Variants in GPR37L1 observed in about 807,000 individuals in gnomAD.
The protein encoded by GPR37L1 is G protein-coupled receptor 37 like 1.
A neutral mutation model predicts 18.0 loss-of-function variants in GPR37L1; 18 were observed. That is an observed-to-expected ratio of 1.00 (90% CI 0.69 to 1.49). The LOEUF (loss-of-function observed/expected upper bound fraction) is 1.49, where lower values mean the gene tolerates loss of function less well. GPR37L1 is among the 40% of genes most tolerant of loss of function. GPR37L1 has a pLI of 0.00. For synonymous variants in GPR37L1, 256 were observed against 273.9 expected (o/e 0.93, Z 0.65); for missense variants, 558 against 615.1 (o/e 0.91, Z 0.98).
intron 1 of GPR37L1, 106 bp from the exon 2 acceptor site, chr1:202,127,635 C>T (rs1654705985): frequency 1.3e-6 from 1 of 791,018 alleles, no homozygotes; most frequent in Non-Finnish European, 2.1e-6. Context: ...AATTTCTATG[C>T]TTATCACTCA....
chr1:202,126,220 C>T (rs1185089474), intron 1 of GPR37L1, among the ~76,000 whole-genome samples: 1 of 152,064 alleles, frequency 6.6e-6, no homozygotes, highest in Non-Finnish European at 1.5e-5. Context: ...CCATCCTGGC[C>T]AACATGGTGA....
chr1:202,123,242 G>C lies in GPR37L1; in HGVS notation c.279G>C (p.Gly93=). Reference sequence around the variant, plus strand: ...CCAGCCCTAACCCCGGCAAGGATGGGGGCACCCCAGACAGTGGGCAGGAAC... The same window carrying C: ...CCAGCCCTAACCCCGGCAAGGATGGCGGCACCCCAGACAGTGGGCAGGAAC... ...VATSPNPGKD[G]GTPDSGQELR... The change falls in exon 1 of 2, where the codon GGG becomes GGC. Residue 93 remains glycine, a synonymous_variant. Transcript: ENST00000367282. The C allele has an allele frequency of 1.2e-6, 2 of 1,613,952 alleles. No homozygotes were observed. The highest frequency in any genetic ancestry group is 8.5e-7 in the Non-Finnish European group (1 of 1,179,974).
At position 202,127,762 on chromosome 1, in the gene GPR37L1, A is replaced by T; in HGVS notation, c.652A>T (p.Thr218Ser). ...ACAGGTCTCCTCTCTGGGAGTCACG[A>T]CTTTCAGCCTCTGTGCCCTGGGCAT... ...FMEVSSLGVT[T>S]FSLCALGIDR... The change falls in exon 2 of 2, where the codon ACT becomes TCT. Residue 218 changes from threonine (T) to serine (S), a missense_variant. Coordinates refer to ENST00000367282, the MANE Select transcript of GPR37L1 (RefSeq NM_004767.5). 1 of 1,581,034 alleles carries T rather than the reference A, an allele frequency of 6.3e-7. No homozygotes were observed. The highest frequency in any genetic ancestry group is 8.6e-7 in the Non-Finnish European group (1 of 1,161,574).
rs1027848415 is a variant in GPR37L1, at chr1:202,131,289, A to G, written c.*2733A>G. ...TGCTCCACTTGGGAGTCACCTTCTC[A>G]TCACCTATCCTGGAACTGAATGCAA... On this transcript the variant is annotated 3_prime_UTR_variant, in exon 2 of 2. Coordinates refer to ENST00000367282, the MANE Select transcript of GPR37L1 (RefSeq NM_004767.5). 4 of 152,256 alleles carry G rather than the reference A, an allele frequency of 2.6e-5. No homozygotes were observed. The highest frequency in any genetic ancestry group is 5.9e-5 in the Non-Finnish European group (4 of 68,062). The allele number at this position is 152,256 out of a possible 1,614,324, so 9.4% of individuals were successfully genotyped here. A position where few individuals can be genotyped will look rare whatever the true frequency, so the allele number is the denominator to read the frequency against.
At position 202,128,788 on chromosome 1, in the gene GPR37L1, C is replaced by A. The variant is rs1169718260; in HGVS notation, c.*232C>A. On this transcript the variant is annotated 3_prime_UTR_variant, in exon 2 of 2. Transcript: ENST00000367282. The stretch of plus-strand genomic sequence containing the variant: ...CTGGTGGGCGGTGATGCTTCTAGGT[C>A]CTTAGAACTGCCCAGAAACTCTGAG... The A allele has an allele frequency of 4.4e-6, 2 of 459,316 alleles. No individual in the cohort carries two copies. Among genetic ancestry groups the A allele is most frequent in the Non-Finnish European group, 7.7e-6 (2 of 260,158 alleles). 28.5% of individuals were successfully genotyped at this position (459,316 alleles called of 1,614,324 possible).
chr1:202,125,080 G>A (rs1038839863), intron 1 of GPR37L1, among the ~76,000 whole-genome samples: 5 of 145,624 alleles, frequency 3.4e-5, no homozygotes, highest in East Asian at 2.1e-4. Flanking sequence ...CAGGAGAATC[G>A]CTTGAACTTG....
At chr1:202,125,363 AT>A (rs1654632375) in intron 1 of GPR37L1, among the ~76,000 whole-genome samples, 1 of 152,116 alleles carries the variant, frequency 6.6e-6, no homozygotes, top group African/African-American at 2.4e-5. Context: ...CAATTTCCTC[AT>A]TGGTAAATTG....
In GPR37L1 at chr1:202,123,261, C is replaced by A; in HGVS notation, c.298C>A (p.Gln100Lys). The change falls in exon 1 of 2, where the codon CAG (glutamine) becomes AAG (lysine). Residue 100 changes from glutamine (Q) to lysine (K), a missense_variant. Coordinates refer to ENST00000367282, the MANE Select transcript of GPR37L1 (RefSeq NM_004767.5). ...GGATGGGGGCACCCCAGACAGTGGG[C>A]AGGAACTGAGGGGCAATCTGACAGG... is the stretch of plus-strand genomic sequence containing the variant. ...GKDGGTPDSGQELRGNLTGAP... is the reference protein window; with the variant it reads ...GKDGGTPDSGKELRGNLTGAP... 1 of 1,613,952 alleles carries A rather than the reference C, an allele frequency of 6.2e-7. No homozygotes were observed. Among genetic ancestry groups the A allele is most frequent in the Non-Finnish European group, 8.5e-7 (1 of 1,179,936 alleles).
Position 202,123,461 on chromosome 1 carries a change from C to A in GPR37L1, c.498C>A (p.Asn166Lys). Residue 166 changes from asparagine to lysine, a missense_variant, in exon 1 of 2, where the codon AAC becomes AAA. Asn to Lys is a moderately conservative substitution (Grantham distance 94). Coordinates refer to ENST00000367282, the MANE Select transcript of GPR37L1 (RefSeq NM_004767.5). ...GCTACTACCTGAAGAGTGCCTGGAA[C>A]TCCATCCTTGCCAGCCTGGCCCTCT... The part of the protein sequence containing the change: ...WHSYYLKSAW[N>K]SILASLALWD... The A allele has an allele frequency of 6.2e-7, 1 of 1,614,104 alleles. No homozygotes were observed. Among genetic ancestry groups the A allele is most frequent in the Non-Finnish European group, 8.5e-7 (1 of 1,180,014 alleles).
intron 1 of GPR37L1, among the ~76,000 whole-genome samples, chr1:202,124,770 G>A (rs1383400466): frequency 6.6e-6 from 1 of 152,196 alleles, no homozygotes; most frequent in East Asian, 1.9e-4. Context: ...TGATGTCATA[G>A]TTGGACAGAC....
chr1:202,128,360 T>C lies in GPR37L1; in HGVS notation c.1250T>C (p.Leu417Pro). The change falls in exon 2 of 2, where the codon CTT becomes CCT. Residue 417 changes from leucine to proline, a missense_variant. By Grantham distance (98) the Leu-to-Pro change is moderately conservative. Coordinates refer to ENST00000367282, the MANE Select transcript of GPR37L1 (RefSeq NM_004767.5). ...FKGAITPVLL[L>P]CICRPLGQAF... The stretch of plus-strand genomic sequence containing the variant: ...GGCGCCATCACCCCAGTGCTGCTCC[T>C]TTGCATCTGCAGGCCGCTGGGCCAG... The C allele has an allele frequency of 6.2e-7, 1 of 1,614,214 alleles. No individual in the cohort carries two copies. The highest frequency in any genetic ancestry group is 8.5e-7 in the Non-Finnish European group (1 of 1,180,042).
At chr1:202,126,460 T>TCCGCAGGC (rs1190018927) in intron 1 of GPR37L1, among the ~76,000 whole-genome samples, 1 of 150,960 alleles carries the variant, frequency 6.6e-6, no homozygotes, top group Non-Finnish European at 1.5e-5. Context: ...AGCCTGTGCC[T>TCCGCAGGC]CTGCAGGCCT....
At chr1:202,127,633 T>C (rs1654705930) in intron 1 of GPR37L1, 108 bp from the exon 2 acceptor site, 5 of 780,998 alleles carry the variant, frequency 6.4e-6, no homozygotes, top group Admixed American at 4.8e-5. Context: ...ATAATTTCTA[T>C]GCTTATCACT....
intron 1 of GPR37L1, among the ~76,000 whole-genome samples, chr1:202,127,029 A>G (rs1057054326): frequency 6.6e-6 from 1 of 152,166 alleles, no homozygotes; most frequent in Non-Finnish European, 1.5e-5. Context: ...ATCAGGGTCT[A>G]TGGGAGCCAG....
At position 202,127,612 on chromosome 1, in the gene GPR37L1, G is replaced by T. The variant is rs528865061; in HGVS notation, c.631-129G>T. Reference sequence around the variant, plus strand: ...ATTACAGGTGTGAGTCACCGCACCCGGCCCATTATTATAATTTCTATGCTT... The same window carrying T: ...ATTACAGGTGTGAGTCACCGCACCCTGCCCATTATTATAATTTCTATGCTT... On this transcript the variant is annotated intron_variant, in intron 1 of 1. Coordinates refer to ENST00000367282, the MANE Select transcript of GPR37L1 (RefSeq NM_004767.5). 113 of 679,752 alleles carry T rather than the reference G, an allele frequency of 1.7e-4. 4 individuals carry two copies. The South Asian group carries it at 2.2e-3, about 13-fold the overall frequency. The allele number at this position is 679,752 out of a possible 1,614,324, so 42.1% of individuals were successfully genotyped here.
In GPR37L1 at chr1:202,128,174, G is replaced by A; in HGVS notation, c.1064G>A (p.Ser355Asn). 2 of 1,614,004 alleles carry A rather than the reference G, an allele frequency of 1.2e-6. No homozygotes were observed. Among genetic ancestry groups the A allele is most frequent in the Non-Finnish European group, 1.7e-6 (2 of 1,180,034 alleles). ...CRASKHEQCE[S>N]QLNSTVVGLT... Reference sequence around the variant, plus strand: ...GCCAGCAAGCACGAGCAGTGTGAGAGCCAGCTCAACAGCACCGTGGTGGGC... The same window carrying A: ...GCCAGCAAGCACGAGCAGTGTGAGAACCAGCTCAACAGCACCGTGGTGGGC... The change falls in exon 2 of 2, where the codon AGC (serine) becomes AAC (asparagine). Residue 355 changes from serine to asparagine, a missense_variant. Physicochemically the swap from Ser to Asn is conservative, Grantham distance 46. Transcript: ENST00000367282.
Position 202,128,598 on chromosome 1 carries a change from C to A in GPR37L1, c.*42C>A, listed in dbSNP as rs535953735. ...GGGAGGGAGGGAGAGGCCGCCACCCCCGCCGGTGTCTGCTGTTCTTTCCCC... is the reference window on the plus strand; with the variant it reads ...GGGAGGGAGGGAGAGGCCGCCACCCACGCCGGTGTCTGCTGTTCTTTCCCC... On this transcript the variant is annotated 3_prime_UTR_variant, in exon 2 of 2. Coordinates refer to ENST00000367282, the MANE Select transcript of GPR37L1 (RefSeq NM_004767.5). The A allele has an allele frequency of 3.4e-6, 4 of 1,171,076 alleles. No homozygotes were observed. The highest frequency in any genetic ancestry group is 4.8e-6 in the Non-Finnish European group (4 of 826,806). 72.5% of individuals were successfully genotyped at this position (1,171,076 alleles called of 1,614,324 possible). A position where few individuals can be genotyped will look rare whatever the true frequency, so the allele number is the denominator to read the frequency against.
chr1:202,128,293 G>C lies in GPR37L1; in HGVS notation c.1183G>C (p.Asp395His). The C allele has an allele frequency of 6.2e-7, 1 of 1,614,080 alleles. No homozygotes were observed. The highest frequency in any genetic ancestry group is 2.2e-5 in the East Asian group (1 of 44,872). ...CACCGAGCTGACCCGCCAGACCCTG[G>C]ACCTCCTGGGCCTCATCAACCAGTT... ...LSTELTRQTL[D>H]LLGLINQFST... Residue 395 changes from aspartate to histidine, a missense_variant, in exon 2 of 2, where the codon GAC becomes CAC. Transcript: ENST00000367282.
At chr1:202,125,099 A>G (rs750887340) in intron 1 of GPR37L1, among the ~76,000 whole-genome samples, 14 of 139,552 alleles carry the variant, frequency 1.0e-4, no homozygotes, top group Non-Finnish European at 2.0e-4. Flanking sequence ...TGGCAGGCAG[A>G]GGTTGCAGTG....
Sources: gnomAD v4.1 joint callset for allele counts (sites outside exome capture counted in the v4.1 genomes callset) on GRCh38, gnomAD v4.1.1 for gene constraint, MANE v1.5 for transcripts, NCBI Gene and HGNC (gene_info 2026-07-23, HGNC 2026-07-21) for gene names.